The following AGRN variants were observed in gnomAD, a reference collection of about 807,000 sequenced individuals.
AGRN encodes the protein agrin proteoglycan.
In AGRN, 106 loss-of-function variants were observed where a neutral mutation model predicts 211.0. The observed-to-expected ratio is 0.50, with a 90% CI of 0.43 to 0.59. The LOEUF is 0.59. AGRN is among the 20% of genes least tolerant of loss of function. The probability of loss-of-function intolerance (pLI) is 0.00; values close to 1 mark genes in which losing one functional copy is unlikely to be tolerated. For synonymous variants in AGRN, 1,525 were observed against 1,332.5 expected, an observed-to-expected ratio of 1.14 and a Z score of -3.15; for missense variants, 3,040 against 2,982.6, an observed-to-expected ratio of 1.02 and a Z score of -0.45.
At chr1:1,040,904 TGGGGCGGGGA>T in intron 4 of AGRN, 24 bp downstream of exon 4, 2 of 1,340,640 alleles carry the variant, frequency 1.5e-6, no homozygotes, top group African/African-American at 1.9e-5. Context: ...GGCCGGTGCC[TGGGGCGGGGA>T]GGGGCGGGGC....
intron 6 of AGRN, 86 bp from the exon 7 acceptor site, chr1:1,041,870 G>A (rs1404060963): frequency 6.3e-6 from 10 of 1,581,000 alleles, no homozygotes; most frequent in South Asian, 1.1e-5. Flanking sequence ...TGGGAGGGCC[G>A]CCTGCTCCCC....
At chr1:1,033,483 C>T (rs1198195536) in intron 2 of AGRN, among the ~76,000 whole-genome samples, 6 of 151,478 alleles carry the variant, frequency 4.0e-5, no homozygotes, top group South Asian at 2.1e-4. Context: ...TCCCCAGGCG[C>T]TTCCTCCTCC....
chr1:1,033,843 C>T (rs1001411745), intron 2 of AGRN, among the ~76,000 whole-genome samples: 7 of 151,084 alleles, frequency 4.6e-5, no homozygotes, highest in Non-Finnish European at 8.9e-5. Context: ...CGAGCACCCC[C>T]GGCCCCGCCT....
intron 33 of AGRN, chr1:1,052,283 T>C: frequency 2.8e-6 from 1 of 355,364 alleles, no homozygotes; most frequent in Non-Finnish European, 5.6e-6. Context: ...TCTGTGTCCG[T>C]GTGCACTTCC....
chr1:1,025,354 C>T (rs1292124110), intron 2 of AGRN, among the ~76,000 whole-genome samples: 1 of 152,196 alleles, frequency 6.6e-6, no homozygotes, highest in Admixed American at 6.5e-5. Flanking sequence ...CTCAGGACGG[C>T]AGTCCTAGGG....
In AGRN at chr1:1,041,375, C is replaced by T; in HGVS notation, c.930C>T (p.Phe310=). Residue 310 remains phenylalanine (F), a synonymous_variant, in exon 5 of 36, where the codon TTC becomes TTT. Transcript: ENST00000379370. ...CCTGCGCCCGCCAGGAGAATGTCTT[C>T]AAGAAGTTCGACGGCCCTTGTGGTG... ...RRACARQENV[F]KKFDGPCDPC... is the part of the protein sequence containing the mutation. The T allele has an allele frequency of 6.5e-7, 1 of 1,541,426 alleles. No individual in the cohort carries two copies. Among genetic ancestry groups the T allele is most frequent in the Non-Finnish European group, 8.7e-7 (1 of 1,150,606 alleles).
Position 1,053,865 on chromosome 1 carries a change from GC to G in AGRN, c.5766del (p.Ile1923LeufsTer8). On this transcript the variant is annotated frameshift_variant, in exon 34 of 36. Coordinates refer to ENST00000379370, the MANE Select transcript of AGRN (RefSeq NM_198576.4). LOFTEE classifies it high-confidence loss of function. ...ATERADYVAL[A>X]IVDGHLQLSY... ...GGAGCGGGCAGACTATGTGGCACTG[GC>G]CATTGTGGACGGGCACCTGCAACTG... 6.2e-7 allele frequency: 1 copy of G among 1,610,212 alleles called. No homozygotes were observed. Among genetic ancestry groups the G allele is most frequent in the Non-Finnish European group, 8.5e-7 (1 of 1,179,024 alleles).
rs1269213316 is a variant in AGRN at position 1,047,111 on chromosome 1, C to T, written c.3388+154C>T. Reference sequence around the variant, plus strand: ...CGTGCCGGGGACCCCACGCCTAACCCGTCTCTCTCGTTGCAAGCCGGTGTG... The same window carrying T: ...CGTGCCGGGGACCCCACGCCTAACCTGTCTCTCTCGTTGCAAGCCGGTGTG... On this transcript the variant is annotated intron_variant, in intron 19 of 35. Coordinates refer to ENST00000379370, the MANE Select transcript of AGRN (RefSeq NM_198576.4). The T allele has an allele frequency of 1.2e-5, 17 of 1,389,718 alleles. No individual in the cohort carries two copies. In the East Asian group the frequency reaches 3.5e-4, roughly 29 times the overall value. 86.1% of individuals were successfully genotyped at this position (1,389,718 alleles called of 1,614,324 possible). A position where few individuals can be genotyped will look rare whatever the true frequency, so the allele number is the denominator to read the frequency against.
rs1441048710 is a variant in AGRN, at chr1:1,045,750, C to A, written c.2554C>A (p.Gln852Lys). Reference protein sequence around the residue: ...SGCTPCSCDPQGAVRDDCEQM... With the variant: ...SGCTPCSCDPKGAVRDDCEQM... ...CCCCAAAGCCTGCAGCTGTGATCCC[C>A]AAGGCGCCGTGCGGGATGACTGTGA... The change falls in exon 15 of 36, where the codon CAA becomes AAA. Residue 852 changes from glutamine (Q) to lysine (K), a missense_variant. Gln to Lys is a moderately conservative substitution (Grantham distance 53). Around this residue, in one of 3 missense-constraint regions of AGRN, gnomAD observed 1,498 missense variants for 1,457.8 expected, o/e 1.03. Transcript: ENST00000379370. 6.2e-7 allele frequency: 1 copy of A among 1,613,324 alleles called. No homozygotes were observed. The highest frequency in any genetic ancestry group is 8.5e-7 in the Non-Finnish European group (1 of 1,179,982).
At chr1:1,038,436 C>T (rs1473436762) in intron 3 of AGRN, among the ~76,000 whole-genome samples, 1 of 152,256 alleles carries the variant, frequency 6.6e-6, no homozygotes, top group Non-Finnish European at 1.5e-5. Context: ...CATGCCCCTG[C>T]AAGCAGTCCA....
Position 1,028,320 on chromosome 1 carries a change from G to GC in AGRN, c.463+5874dup, listed in dbSNP as rs77046272. On this transcript the variant is annotated intron_variant, in intron 2 of 35. Coordinates refer to ENST00000379370, the MANE Select transcript of AGRN (RefSeq NM_198576.4). ...GCCGTTCTCTCTCCCGTGGGGAAAC[G>GC]CCCCCCCCCCCCCCCCGCCCTGCAC... Among the ~76,000 whole-genome samples, 111 of 105,030 alleles carry GC rather than the reference G, an allele frequency of 1.1e-3. 2 individuals are homozygous for GC. Among genetic ancestry groups the GC allele is most frequent in the South Asian group, 2.6e-3 (8 of 3,084 alleles). 68.9% of individuals were successfully genotyped at this position (105,030 alleles called of 152,430 possible).
chr1:1,049,111 C>CGGGGG, intron 24 of AGRN, 52 bp downstream of exon 24: 1 of 342,410 alleles, frequency 2.9e-6, no homozygotes, highest in Admixed American at 7.6e-5. Context: ...GGGGAGGGGA[C>CGGGGG]GGGCGGGGGA....
At chr1:1,035,936 T>C in intron 3 of AGRN, among the ~76,000 whole-genome samples, 1 of 152,020 alleles carries the variant, frequency 6.6e-6, no homozygotes, top group South Asian at 2.1e-4. Flanking sequence ...TTTGGGCCAC[T>C]GTCATCGGGG....
At chr1:1,035,533 C>T (rs1644783658) in intron 3 of AGRN, among the ~76,000 whole-genome samples, 1 of 152,226 alleles carries the variant, frequency 6.6e-6, no homozygotes. Flanking sequence ...GGCACTGGAC[C>T]TCGGCTCTCA....
intron 3 of AGRN, among the ~76,000 whole-genome samples, chr1:1,040,317 G>A (rs2100627323): frequency 6.6e-6 from 1 of 152,334 alleles, no homozygotes; most frequent in African/African-American, 2.4e-5. Context: ...TCTGCTTTTC[G>A]CTGGAGGCCC....
intron 2 of AGRN, among the ~76,000 whole-genome samples, chr1:1,026,226 G>C (rs188768859): frequency 1.3e-5 from 2 of 152,180 alleles, no homozygotes; most frequent in Non-Finnish European, 2.9e-5. Flanking sequence ...GCTCGCTCCC[G>C]CTTGTCCACA....
rs369344193 is a variant in AGRN at position 1,040,879 on chromosome 1, C to T, written c.726C>T (p.Cys242=). ...RRIRLLSRGP[C]GSRDPCSNVT... ...TCCGCCTGCTCAGCCGCGGGCCGTG[C>T]GGTGAGCGGGGCGGGGCCGGTGCCT... Residue 242 remains cysteine, a splice_region_variant and synonymous_variant, in exon 4 of 36, where the codon TGC becomes TGT. Transcript: ENST00000379370. 8.6e-5 allele frequency: 127 copies of T among 1,472,320 alleles called. No individual in the cohort carries two copies. In the African/African-American group the frequency reaches 1.7e-3, roughly 20 times the overall value. The allele number at this position is 1,472,320 out of a possible 1,614,324, so 91.2% of individuals were successfully genotyped here.
In AGRN at chr1:1,041,527, C is replaced by A; in HGVS notation, c.1002C>A (p.Asn334Lys). 6.2e-7 allele frequency: 1 copy of A among 1,603,526 alleles called. No individual in the cohort carries two copies. The highest frequency in any genetic ancestry group is 8.5e-7 in the Non-Finnish European group (1 of 1,178,950). The change falls in exon 6 of 36, where the codon AAC becomes AAA. Residue 334 changes from asparagine (N) to lysine (K), a missense_variant. This residue lies in a region of AGRN where 1,498 missense variants were observed against 1,457.8 expected (regional missense o/e 1.03). Coordinates refer to ENST00000379370, the MANE Select transcript of AGRN (RefSeq NM_198576.4). ...LPDPSRSCRV[N>K]PRTRRPEMLL... ...ACCCGAGCCGCAGCTGCCGTGTGAA[C>A]CCGCGCACGCGGCGCCCTGAGATGC...
In AGRN at chr1:1,041,515, C is replaced by A; in HGVS notation, c.990C>A (p.Ser330Arg). The A allele has an allele frequency of 6.2e-7, 1 of 1,601,276 alleles. No homozygotes were observed. ...GCGCCCTCCCTGACCCGAGCCGCAG[C>A]TGCCGTGTGAACCCGCGCACGCGGC... ...CQGALPDPSR[S>R]CRVNPRTRRP... The change falls in exon 6 of 36, where the codon AGC becomes AGA. Residue 330 changes from serine to arginine, a missense_variant. Coordinates refer to ENST00000379370, the MANE Select transcript of AGRN (RefSeq NM_198576.4).
Sources: allele counts gnomAD v4.1 joint callset (sites outside exome capture counted in the v4.1 genomes callset), GRCh38; gene constraint gnomAD v4.1.1; regional missense constraint gnomAD v4.1.1; transcripts MANE v1.5; gene names NCBI Gene and HGNC (gene_info 2026-07-23, HGNC 2026-07-21).